The following SLC2A9 variants were observed in gnomAD, a reference collection of about 807,000 sequenced individuals.
SLC2A9 encodes the protein solute carrier family 2, facilitated glucose transporter member 9.
A neutral mutation model predicts 50.6 loss-of-function variants in SLC2A9; 39 were observed. The observed-to-expected ratio is 0.77, with a 90% CI of 0.60 to 1.01. The LOEUF (loss-of-function observed/expected upper bound fraction) is 1.01, where lower values mean the gene tolerates loss of function less well. Ranked by LOEUF, SLC2A9 falls within the 50% of genes least tolerant of loss-of-function variation. The probability of loss-of-function intolerance (pLI) is 0.00; values close to 1 mark genes in which losing one functional copy is unlikely to be tolerated. For synonymous variants in SLC2A9, 324 were observed against 276.9 expected (o/e 1.17, Z -1.69); for missense variants, 686 against 677.6 (o/e 1.01, Z -0.14).
chr4:9,828,109 G>A (rs182640648), intron 11 of SLC2A9, among the ~76,000 whole-genome samples: 10 of 152,252 alleles, frequency 6.6e-5, no homozygotes, highest in Non-Finnish European at 1.2e-4. Context: ...CATCTCTGCT[G>A]ATGGCACCTC....
chr4:9,835,368 T>C (rs1475327476), intron 10 of SLC2A9, among the ~76,000 whole-genome samples: 2 of 152,118 alleles, frequency 1.3e-5, no homozygotes, highest in Non-Finnish European at 2.9e-5. Context: ...TCACGCCCTG[T>C]GCCCAGACCA....
At chr4:9,801,378 T>C (rs1721382093) in intron 3 of SLC2A9, among the ~76,000 whole-genome samples, 1 of 152,198 alleles carries the variant, frequency 6.6e-6, no homozygotes, top group South Asian at 2.1e-4. Context: ...CTTCCAGCAG[T>C]AGCTACCGCT....
chr4:9,911,975 T>C (rs1188355669), intron 7 of SLC2A9, among the ~76,000 whole-genome samples: 3 of 152,056 alleles, frequency 2.0e-5, no homozygotes, highest in Non-Finnish European at 4.4e-5. Flanking sequence ...AAATAATGAG[T>C]TCATGTCCTT....
chr4:9,982,816 T>C (rs1247744347), intron 4 of SLC2A9, among the ~76,000 whole-genome samples: 2 of 152,264 alleles, frequency 1.3e-5, no homozygotes, highest in East Asian at 3.8e-4. Context: ...ACTAAGTGCC[T>C]GGAACTACAC....
intron 5 of SLC2A9, among the ~76,000 whole-genome samples, chr4:9,969,108 A>G (rs1393231575): frequency 2.0e-5 from 3 of 152,190 alleles, no homozygotes; most frequent in Non-Finnish European, 4.4e-5. Flanking sequence ...AGAAAGCCTC[A>G]AAGGACTTCT....
chr4:9,876,401 TG>T (rs1734327232), intron 10 of SLC2A9, among the ~76,000 whole-genome samples: 1 of 152,098 alleles, frequency 6.6e-6, no homozygotes, highest in African/African-American at 2.4e-5. Context: ...CAGACCAGGT[TG>T]GGAAACATAG....
chr4:9,932,313 C>T (rs1042256375), intron 6 of SLC2A9, among the ~76,000 whole-genome samples: 2 of 152,084 alleles, frequency 1.3e-5, no homozygotes, highest in Non-Finnish European at 1.5e-5. Context: ...ATTCATGCAA[C>T]AATTATTTAG....
chr4:9,876,998 T>C (rs1419419321), intron 10 of SLC2A9, among the ~76,000 whole-genome samples: 1 of 152,240 alleles, frequency 6.6e-6, no homozygotes, highest in Non-Finnish European at 1.5e-5. Context: ...TCTTAACTTA[T>C]AGCTATAGTT....
chr4:10,020,824 C>T (rs774678751), intron 1 of SLC2A9, among the ~76,000 whole-genome samples: 5 of 152,176 alleles, frequency 3.3e-5, no homozygotes, highest in African/African-American at 4.8e-5. Context: ...TGGTGAAGGG[C>T]AGGTGGGGGC....
intron 3 of SLC2A9, among the ~76,000 whole-genome samples, chr4:9,990,562 G>C (rs1467142682): frequency 6.6e-6 from 1 of 152,140 alleles, no homozygotes; most frequent in Non-Finnish European, 1.5e-5. Flanking sequence ...CTAGGCAGTG[G>C]GGGATGGGGT....
At chr4:9,918,341 G>T (rs1743273448) in intron 7 of SLC2A9, among the ~76,000 whole-genome samples, 1 of 152,202 alleles carries the variant, frequency 6.6e-6, no homozygotes, top group Admixed American at 6.5e-5. Flanking sequence ...AAGGCAGCAG[G>T]TACAGGGGAG....
At chr4:9,830,132 G>C (rs577531739) in intron 11 of SLC2A9, among the ~76,000 whole-genome samples, 1 of 152,242 alleles carries the variant, frequency 6.6e-6, no homozygotes, top group Admixed American at 6.5e-5. Context: ...ATCAACGATA[G>C]ACTGGATAAA....
intron 3 of SLC2A9, among the ~76,000 whole-genome samples, chr4:9,986,174 T>C (rs1756682401): frequency 6.6e-6 from 1 of 152,126 alleles, no homozygotes; most frequent in Non-Finnish European, 1.5e-5. Flanking sequence ...AGGGAATTGG[T>C]TAAGTGGATA....
intron 1 of SLC2A9, among the ~76,000 whole-genome samples, chr4:10,039,518 C>T (rs1163278102): frequency 6.6e-6 from 1 of 152,200 alleles, no homozygotes; most frequent in Non-Finnish European, 1.5e-5. Flanking sequence ...CATCAAACAC[C>T]TCCCTCCTGC....
chr4:9,887,466 T>G, intron 10 of SLC2A9, 101 bp downstream of exon 10: 4 of 1,183,416 alleles, frequency 3.4e-6, no homozygotes, highest in Non-Finnish European at 3.6e-6. Context: ...AGGCTTTGCT[T>G]CTTCTGGGCT....
intron 2 of SLC2A9, 66 bp from the exon 3 acceptor site, chr4:9,997,007 G>A: frequency 1.3e-6 from 2 of 1,589,674 alleles, no homozygotes; most frequent in South Asian, 2.2e-5. Flanking sequence ...GCAAGCCAGT[G>A]TACAAAACAA....
At chr4:9,918,782 G>A (rs538978050) in intron 7 of SLC2A9, among the ~76,000 whole-genome samples, 1 of 152,268 alleles carries the variant, frequency 6.6e-6, no homozygotes, top group East Asian at 1.9e-4. Context: ...TCTGACTCTT[G>A]GTCCAGAGCT....
At chr4:9,934,374 C>G (rs1442649569) in intron 6 of SLC2A9, among the ~76,000 whole-genome samples, 1 of 152,216 alleles carries the variant, frequency 6.6e-6, no homozygotes, top group East Asian at 1.9e-4. Context: ...CTTTCTTGAC[C>G]ACAGATGGCT....
intron 3 of SLC2A9, chr4:9,783,407 G>A (rs1411455493): frequency 3.7e-6 from 6 of 1,614,074 alleles, no homozygotes; most frequent in Non-Finnish European, 5.1e-6. Flanking sequence ...GCTGGACTGC[G>A]AGGGGGAGAT....
Sources: allele counts gnomAD v4.1 joint callset (sites outside exome capture counted in the v4.1 genomes callset), GRCh38; gene constraint gnomAD v4.1.1; transcripts MANE v1.5; gene names NCBI Gene and HGNC (gene_info 2026-07-23, HGNC 2026-07-21).